MCF2L: variants seen among roughly 807,000 people sequenced by gnomAD.
MCF2L encodes the protein MCF.2 cell line derived transforming sequence like.
MCF2L carries 97 observed loss-of-function variants against 153.4 expected under a neutral mutation model. That is an observed-to-expected ratio of 0.63 (90% CI 0.54 to 0.75). The LOEUF (loss-of-function observed/expected upper bound fraction) is 0.75, where lower values mean the gene tolerates loss of function less well. Among genes scored for constraint, MCF2L ranks in the 30% least tolerant of loss-of-function variants. The probability of loss-of-function intolerance (pLI) is 0.00; values close to 1 mark genes in which losing one functional copy is unlikely to be tolerated. For missense variants in MCF2L, 1,347 were observed against 1,495.2 expected, an observed-to-expected ratio of 0.90 and a Z score of 1.64; for synonymous variants, 659 against 632.2, an observed-to-expected ratio of 1.04 and a Z score of -0.64.
At chr13:113,044,962 C>A in intron 3 of MCF2L, 1 of 1,566,474 alleles carries the variant, frequency 6.4e-7, no homozygotes, top group Non-Finnish European at 8.7e-7. Flanking sequence ...TCGGCTCTTA[C>A]TGTGGAATAG....
rs371557257 is a variant in MCF2L at position 113,084,137 on chromosome 13, C to T, written c.2061+70C>T. On this transcript the variant is annotated intron_variant, in intron 18 of 29. Coordinates refer to ENST00000535094, the MANE Select transcript of MCF2L (RefSeq NM_001112732.3). ...TACTGAATAATGACTTCAGATTCTA[C>T]TGCAAGTTCCTATTCTAACCAACTG... 1,731 of 1,235,596 alleles carry T rather than the reference C, an allele frequency of 1.4e-3. 26 individuals are homozygous for T. The South Asian group carries it at 0.02, about 14-fold the overall frequency. The allele number at this position is 1,235,596 out of a possible 1,614,324, so 76.5% of individuals were successfully genotyped here.
Position 113,089,639 on chromosome 13 carries a change from A to G in MCF2L, c.2864A>G (p.Lys955Arg). 6.2e-7 allele frequency: 1 copy of G among 1,613,840 alleles called. No homozygotes were observed. Among genetic ancestry groups the G allele is most frequent in the South Asian group, 1.1e-5 (1 of 91,080 alleles). ...TCAAGAGGAAACTCAAGGAACATCA[A>G]GAAGCTGGAAGAAAGGAAAACAGAC... is the stretch of plus-strand genomic sequence containing the variant. ...SPSRGNSRNI[K>R]KLEERKTDPL... Residue 955 changes from lysine to arginine, a missense_variant, in exon 26 of 30, where the codon AAG becomes AGG. Lys to Arg is a conservative substitution (Grantham distance 26, BLOSUM62 2). Coordinates refer to ENST00000535094, the MANE Select transcript of MCF2L (RefSeq NM_001112732.3).
At chr13:113,079,838 G>A (rs2033922068) in intron 15 of MCF2L, among the ~76,000 whole-genome samples, 1 of 516 alleles carries the variant, frequency 1.9e-3, no homozygotes, top group African/African-American at 2.9e-3. Flanking sequence ...TCCAGGCAGA[G>A]GAGAGTCCAT....
At chr13:113,041,438 A>G (rs901898723) in intron 3 of MCF2L, among the ~76,000 whole-genome samples, 4 of 150,636 alleles carry the variant, frequency 2.7e-5, no homozygotes, top group Non-Finnish European at 5.9e-5. Flanking sequence ...GACCACAGTC[A>G]GTATGGGGGA....
chr13:112,939,459 C>T (rs890590911), intron 2 of MCF2L, among the ~76,000 whole-genome samples: 1 of 152,200 alleles, frequency 6.6e-6, no homozygotes, highest in African/African-American at 2.4e-5. Context: ...ACAAAGTTGT[C>T]TCTTGGTTAT....
intron 2 of MCF2L, among the ~76,000 whole-genome samples, chr13:112,934,221 G>A (rs1401279376): frequency 6.6e-6 from 1 of 152,216 alleles, no homozygotes; most frequent in Non-Finnish European, 1.5e-5. Context: ...ACCATATGCA[G>A]CATGCCCCTG....
Position 113,033,315 on chromosome 13 carries a change from C to A in MCF2L, c.278+8557C>A, listed in dbSNP as rs1463124832. On this transcript the variant is annotated intron_variant, in intron 3 of 29. Transcript: ENST00000535094. ...TTAGTGGACCCCGTGGCGTGAGTGG[C>A]CCCTGTGGCGTGAGTGGCCCCCGTG... Among the ~76,000 whole-genome samples, 11 of 110,634 alleles carry A rather than the reference C, an allele frequency of 9.9e-5. 4 individuals are homozygous for A. The highest frequency in any genetic ancestry group is 6.9e-4 in the East Asian group (2 of 2,882). The allele number at this position is 110,634 out of a possible 152,430, so 72.6% of individuals were successfully genotyped here. A position where few individuals can be genotyped will look rare whatever the true frequency, so the allele number is the denominator to read the frequency against.
intron 1 of MCF2L, among the ~76,000 whole-genome samples, chr13:113,011,008 T>C (rs1411326277): frequency 6.6e-6 from 1 of 152,190 alleles, no homozygotes; most frequent in Non-Finnish European, 1.5e-5. Flanking sequence ...TAAGGGCAGA[T>C]TTTCCCATCA....
chr13:113,079,496 C>T (rs1393474871), intron 15 of MCF2L, among the ~76,000 whole-genome samples: 1 of 152,204 alleles, frequency 6.6e-6, no homozygotes, highest in East Asian at 1.9e-4. Context: ...GGAACCACGT[C>T]TCCCCCTTTC....
intron 2 of MCF2L, among the ~76,000 whole-genome samples, chr13:113,015,712 C>G (rs565029328): frequency 4.8e-4 from 73 of 152,322 alleles, no homozygotes; most frequent in African/African-American, 1.7e-3. Context: ...AGACCAAAAT[C>G]GAAGAGACAG....
At chr13:113,081,999 C>T (rs1036681087) in intron 16 of MCF2L, among the ~76,000 whole-genome samples, 1 of 151,244 alleles carries the variant, frequency 6.6e-6, no homozygotes, top group African/African-American at 2.4e-5. Flanking sequence ...AGCGAGTGTG[C>T]ACAGGTGGTG....
chr13:113,069,657 C>G (rs1340882902), intron 8 of MCF2L, among the ~76,000 whole-genome samples: 1 of 152,140 alleles, frequency 6.6e-6, no homozygotes, highest in African/African-American at 2.4e-5. Flanking sequence ...TACGCGGAGG[C>G]AGAGGTTGCA....
At chr13:113,078,474 C>A in intron 14 of MCF2L, 38 bp downstream of exon 14, 4 of 1,574,026 alleles carry the variant, frequency 2.5e-6, no homozygotes, top group South Asian at 1.1e-5. Flanking sequence ...ATCCACACCC[C>A]CCTCCTTGGT....
intron 26 of MCF2L, among the ~76,000 whole-genome samples, chr13:113,092,795 G>A (rs377224772): frequency 1.8e-3 from 271 of 152,326 alleles, no homozygotes; most frequent in African/African-American, 6.3e-3. Context: ...CCTCCCCCGC[G>A]CCCTGTTCCA....
At chr13:113,049,701 G>A (rs371176760) in intron 4 of MCF2L, among the ~76,000 whole-genome samples, 5 of 152,030 alleles carry the variant, frequency 3.3e-5, no homozygotes, top group African/African-American at 1.2e-4. Flanking sequence ...ATGGTGCTGC[G>A]GGCGCCACAA....
At chr13:113,049,789 T>G (rs527343067) in intron 4 of MCF2L, among the ~76,000 whole-genome samples, 1 of 152,238 alleles carries the variant, frequency 6.6e-6, no homozygotes, top group Non-Finnish European at 1.5e-5. Flanking sequence ...TGTGCCGGGA[T>G]CCGGGGCTAT....
rs1256070354 is a variant in MCF2L at position 112,926,636 on chromosome 13, AAG to A, written c.169+24266_169+24267del. On this transcript the variant is annotated intron_variant, in intron 2 of 29. Transcript: ENST00000375608. The stretch of plus-strand genomic sequence containing the variant: ...AGTGGAGTGCTGTATAGCCTTGGAA[AAG>A]GATGAAACCGTATCATTTGTGACAA... 4.6e-5 allele frequency among the ~76,000 whole-genome samples: 7 copies of A among 152,348 alleles called. No individual in the cohort carries two copies. In the East Asian group the frequency reaches 1.3e-3, roughly 29 times the overall value.
In MCF2L at chr13:112,930,221, A is replaced by T. The variant is rs559192041; in HGVS notation, c.169+27850A>T. Among the ~76,000 whole-genome samples the T allele has an allele frequency of 3.9e-5, 6 of 152,362 alleles. No individual in the cohort carries two copies. The South Asian group carries it at 1.2e-3, about 32-fold the overall frequency. ...GTGTTTACCCAAACTAGTTGAAAACATGTCCATACAAAAACCTGCACATAA... is the reference window on the plus strand; with the variant it reads ...GTGTTTACCCAAACTAGTTGAAAACTTGTCCATACAAAAACCTGCACATAA... On this transcript the variant is annotated intron_variant, in intron 2 of 29. Coordinates refer to the MCF2L transcript ENST00000375608.
intron 2 of MCF2L, among the ~76,000 whole-genome samples, chr13:112,922,098 C>T (rs2081358681): frequency 6.6e-6 from 1 of 152,216 alleles, no homozygotes. Context: ...GAGCTGGAAA[C>T]GTGTGGGCCG....
Sources: allele counts gnomAD v4.1 joint callset (sites outside exome capture counted in the v4.1 genomes callset), GRCh38; gene constraint gnomAD v4.1.1; transcripts MANE v1.5; gene names NCBI Gene and HGNC (gene_info 2026-07-23, HGNC 2026-07-21).